The following MTMR12 variants were observed in gnomAD, a reference collection of about 807,000 sequenced individuals.
MTMR12 encodes myotubularin-related protein 12.
In MTMR12, 33 loss-of-function variants were observed where a neutral mutation model predicts 96.7. The observed-to-expected ratio is 0.34, with a 90% CI of 0.26 to 0.46. The LOEUF (loss-of-function observed/expected upper bound fraction) is 0.46, where lower values mean the gene tolerates loss of function less well. Ranked by LOEUF, MTMR12 falls within the 20% of genes least tolerant of loss-of-function variation. The pLI is 1.00. For missense variants in MTMR12, 721 were observed against 896.1 expected (o/e 0.80, Z 2.49); for synonymous variants, 298 against 327.2 (o/e 0.91, Z 0.96).
rs2111959582 is a variant in MTMR12 at position 32,227,434 on chromosome 5, A to T, written c.*2344T>A. Reference sequence around the variant, plus strand: ...AATACAAAAATTGTCATGACCTTACACGTTACAACAGCTTATTTTTCTATT... The same window carrying T: ...AATACAAAAATTGTCATGACCTTACTCGTTACAACAGCTTATTTTTCTATT... On this transcript the variant is annotated 3_prime_UTR_variant, in exon 16 of 16. Coordinates refer to ENST00000382142, the MANE Select transcript of MTMR12 (RefSeq NM_001040446.3). 1 of 152,766 alleles carries T rather than the reference A, an allele frequency of 6.5e-6. No individual in the cohort carries two copies. The highest frequency in any genetic ancestry group is 2.4e-5 in the African/African-American group (1 of 41,576). 9.5% of individuals were successfully genotyped at this position (152,766 alleles called of 1,614,324 possible).
chr5:32,230,004 C>T lies in MTMR12; in HGVS notation c.2018G>A (p.Ser673Asn), dbSNP rs1747930959. 2.5e-6 allele frequency: 4 copies of T among 1,613,532 alleles called. No homozygotes were observed. Among genetic ancestry groups the T allele is most frequent in the Middle Eastern group, 1.7e-4 (1 of 6,058 alleles). The change falls in exon 16 of 16, where the codon AGT becomes AAT. Residue 673 changes from serine to asparagine, a missense_variant. Transcript: ENST00000382142. ...TCTCTCGTCGATCTTCTCTTGTAAA[C>T]TCTGGACTTCCTCCATCATTTCCAA... ...KLLEMMEEVQ[S>N]LQEKIDERHH...
intron 5 of MTMR12, 142 bp from the exon 6 acceptor site, chr5:32,268,936 T>A (rs1159740694): frequency 1.7e-6 from 1 of 572,212 alleles, no homozygotes; most frequent in Non-Finnish European, 3.1e-6. Flanking sequence ...GAGATCTGTA[T>A]CTATGACATT....
intron 1 of MTMR12, 24 bp from the exon 2 acceptor site, chr5:32,276,766 T>C (rs1291311113): frequency 6.3e-7 from 1 of 1,597,788 alleles, no homozygotes; most frequent in Admixed American, 1.7e-5. Context: ...GCAAAGGATA[T>C]TTTTCTTTGT....
chr5:32,239,219 A>G (rs753422207), intron 12 of MTMR12, 46 bp from the exon 13 acceptor site: 2 of 1,480,982 alleles, frequency 1.4e-6, no homozygotes, highest in Non-Finnish European at 1.8e-6. Flanking sequence ...GAGGGCATAA[A>G]ATGTTAAAAA....
At position 32,265,544 on chromosome 5, in the gene MTMR12, G is replaced by C. The variant is rs147763199; in HGVS notation, c.584-2302C>G. Among the ~76,000 whole-genome samples the C allele has an allele frequency of 4.8e-3, 738 of 152,290 alleles. 9 individuals carry two copies. Among genetic ancestry groups the C allele is most frequent in the African/African-American group, 0.016 (676 of 41,560 alleles). On this transcript the variant is annotated intron_variant, in intron 6 of 15. Transcript: ENST00000382142. ...TTATACAAATTATAGCAATCAACAAGTCATATTTGTATATGTCATATTGCC... is the reference window on the plus strand; with the variant it reads ...TTATACAAATTATAGCAATCAACAACTCATATTTGTATATGTCATATTGCC...
intron 14 of MTMR12, 195 bp downstream of exon 14, chr5:32,234,767 A>T (rs1748141898): frequency 6.3e-6 from 3 of 475,562 alleles, no homozygotes; most frequent in Non-Finnish European, 1.1e-5. Flanking sequence ...TATCTTTTTT[A>T]AAATATGGAA....
Position 32,266,988 on chromosome 5 carries a change from G to C in MTMR12, c.583+1713C>G, listed in dbSNP as rs142411826. On this transcript the variant is annotated intron_variant, in intron 6 of 15. Transcript: ENST00000382142. The stretch of plus-strand genomic sequence containing the variant: ...CCAGCTACTCAGGAGGCTGAGGCAG[G>C]AGAATTGCTTGAACCTGGGAGGCAG... Among the ~76,000 whole-genome samples, 528 of 152,128 alleles carry C rather than the reference G, an allele frequency of 3.5e-3. 1 individual carries two copies. The highest frequency in any genetic ancestry group is 3.9e-3 in the Admixed American group (60 of 15,278).
chr5:32,266,579 T>C (rs1241492418), intron 6 of MTMR12, among the ~76,000 whole-genome samples: 1 of 151,262 alleles, frequency 6.6e-6, no homozygotes, highest in Non-Finnish European at 1.5e-5. Flanking sequence ...TCCTAGCTAA[T>C]CAGGAGGCTG....
chr5:32,263,392 T>C, intron 6 of MTMR12, 150 bp from the exon 7 acceptor site: 3 of 939,664 alleles, frequency 3.2e-6, no homozygotes, highest in Non-Finnish European at 4.6e-6. Context: ...CCTAACCTTG[T>C]TCCATTTTTT....
At chr5:32,263,304 T>C (rs527321371) in intron 6 of MTMR12, 62 bp from the exon 7 acceptor site, 18 of 1,596,056 alleles carry the variant, frequency 1.1e-5, no homozygotes, top group South Asian at 4.5e-5. Context: ...GCTTTTATTA[T>C]GTGAAAGTCC....
At chr5:32,254,235 G>C (rs1335095051) in intron 8 of MTMR12, among the ~76,000 whole-genome samples, 1 of 152,166 alleles carries the variant, frequency 6.6e-6, no homozygotes, top group Non-Finnish European at 1.5e-5. Flanking sequence ...GATCCTTTCA[G>C]GTGGTCTGAG....
At chr5:32,250,240 G>T (rs1025728513) in intron 8 of MTMR12, among the ~76,000 whole-genome samples, 1 of 152,148 alleles carries the variant, frequency 6.6e-6, no homozygotes, top group African/African-American at 2.4e-5. Context: ...ATATTCAGGA[G>T]GCCCCTAAAA....
intron 12 of MTMR12, among the ~76,000 whole-genome samples, chr5:32,240,034 G>A (rs957003372): frequency 3.3e-5 from 5 of 152,192 alleles, no homozygotes; most frequent in Non-Finnish European, 5.9e-5. Context: ...AAAAATAGGT[G>A]CAACTCGAGT....
At chr5:32,277,509 G>A (rs1561787408) in intron 1 of MTMR12, among the ~76,000 whole-genome samples, 1 of 152,096 alleles carries the variant, frequency 6.6e-6, no homozygotes, top group South Asian at 2.1e-4. Context: ...AACCAGCCTG[G>A]CCAACATGGC....
At chr5:32,299,406 G>A (rs533695335) in intron 1 of MTMR12, among the ~76,000 whole-genome samples, 2 of 152,282 alleles carry the variant, frequency 1.3e-5, no homozygotes, top group East Asian at 1.9e-4. Context: ...ATGTACAAGT[G>A]CCAGAAAAAA....
chr5:32,269,142 T>G (rs1380763620), intron 5 of MTMR12, among the ~76,000 whole-genome samples: 1 of 152,090 alleles, frequency 6.6e-6, no homozygotes, highest in Admixed American at 6.6e-5. Context: ...TTCTCCTGCC[T>G]CAGCCTCCAG....
chr5:32,229,645 C>T lies in MTMR12; in HGVS notation c.*133G>A, dbSNP rs1468470276. 3.6e-5 allele frequency: 28 copies of T among 775,688 alleles called. No individual in the cohort carries two copies. Among genetic ancestry groups the T allele is most frequent in the South Asian group, 4.3e-5 (1 of 23,496 alleles). 48.1% of individuals were successfully genotyped at this position (775,688 alleles called of 1,614,324 possible). Reference sequence around the variant, plus strand: ...AAATAATGAGAGCCACCTCTTTTCCCGAAGGCCCAGGTTTATTCTAACGGA... The same window carrying T: ...AAATAATGAGAGCCACCTCTTTTCCTGAAGGCCCAGGTTTATTCTAACGGA... On this transcript the variant is annotated 3_prime_UTR_variant, in exon 16 of 16. Coordinates refer to ENST00000382142, the MANE Select transcript of MTMR12 (RefSeq NM_001040446.3).
At chr5:32,284,645 C>T (rs1277447358) in intron 1 of MTMR12, among the ~76,000 whole-genome samples, 6 of 152,166 alleles carry the variant, frequency 3.9e-5, no homozygotes, top group South Asian at 2.1e-4. Context: ...TAAGCCTCTG[C>T]GCCTTTAACT....
chr5:32,283,026 C>T (rs1750367957), intron 1 of MTMR12, among the ~76,000 whole-genome samples: 1 of 152,196 alleles, frequency 6.6e-6, no homozygotes, highest in Non-Finnish European at 1.5e-5. Context: ...GCACCCGTAT[C>T]TGGATGTGCT....
Sources: gnomAD v4.1 joint callset for allele counts (sites outside exome capture counted in the v4.1 genomes callset) on GRCh38, gnomAD v4.1.1 for gene constraint, MANE v1.5 for transcripts, NCBI Gene and HGNC (gene_info 2026-07-23, HGNC 2026-07-21) for gene names.